The following TCF7L1 variants were observed in gnomAD, a reference collection of about 807,000 sequenced individuals.
TCF7L1 encodes the protein transcription factor 7 like 1, also known as transcription factor 7-like 1.
TCF7L1 carries 18 observed loss-of-function variants against 63.7 expected under a neutral mutation model. That is an observed-to-expected ratio of 0.28 (90% CI 0.20 to 0.42). The LOEUF is 0.42. Ranked by LOEUF, TCF7L1 falls within the 10% of genes least tolerant of loss-of-function variation. The probability of loss-of-function intolerance (pLI) is 1.00; values close to 1 mark genes in which losing one functional copy is unlikely to be tolerated. For missense variants in TCF7L1, 654 were observed against 779.3 expected (o/e 0.84, Z 1.91); for synonymous variants, 355 against 340.9 (o/e 1.04, Z -0.46).
chr2:85,179,176 A>G (rs1260474509), intron 3 of TCF7L1, among the ~76,000 whole-genome samples: 2 of 152,150 alleles, frequency 1.3e-5, no homozygotes, highest in Non-Finnish European at 2.9e-5. Context: ...CAATAGAGCC[A>G]CTCACCCTGA....
chr2:85,137,913 A>C (rs1677633528), intron 3 of TCF7L1, among the ~76,000 whole-genome samples: 1 of 152,022 alleles, frequency 6.6e-6, no homozygotes, highest in African/African-American at 2.4e-5. Flanking sequence ...AAAAAAAGAA[A>C]GAAAGAAAAT....
At chr2:85,280,606 TA>T (rs2104365721) in intron 3 of TCF7L1, among the ~76,000 whole-genome samples, 1 of 152,338 alleles carries the variant, frequency 6.6e-6, no homozygotes, top group African/African-American at 2.4e-5. Flanking sequence ...TGTTTAATAT[TA>T]GGGGGTATAG....
rs758469164 is a variant in TCF7L1 at position 85,134,018 on chromosome 2, G to T, written c.252G>T (p.Ala84=). The change falls in exon 2 of 12, where the codon GCG becomes GCT. Residue 84 remains alanine, a splice_region_variant and synonymous_variant. Transcript: ENST00000282111. The surrounding 1 kb of genome is among the most constrained non-coding windows in gnomAD (Gnocchi z 5.0). ...TTGCCTTTGTGTCTCCTCCGCAGGC[G>T]GAGAGGCGCCCGCAGCCCGTCCGGG... ...ENQSSSSDSE[A]ERRPQPVRDT... 3.1e-6 allele frequency: 5 copies of T among 1,609,638 alleles called. No homozygotes were observed. The South Asian group carries it at 5.5e-5, about 18-fold the overall frequency.
chr2:85,281,446 C>T (rs999209650), intron 3 of TCF7L1, among the ~76,000 whole-genome samples: 1 of 152,190 alleles, frequency 6.6e-6, no homozygotes, highest in Admixed American at 6.5e-5. Flanking sequence ...AAATGTTATT[C>T]ACAGTGAAAA....
intron 3 of TCF7L1, among the ~76,000 whole-genome samples, chr2:85,283,001 G>A (rs1432309680): frequency 6.6e-6 from 1 of 152,086 alleles, no homozygotes. Flanking sequence ...CAGGCAGATG[G>A]CTTTTATTCA....
intron 3 of TCF7L1, among the ~76,000 whole-genome samples, chr2:85,241,441 T>TTG (rs1680326503): frequency 1.7e-5 from 2 of 115,122 alleles, no homozygotes; most frequent in East Asian, 2.0e-4. Flanking sequence ...GTTTTTGTTT[T>TTG]TTTTTTTTTT....
At chr2:85,150,390 C>T (rs1323551420) in intron 3 of TCF7L1, among the ~76,000 whole-genome samples, 2 of 152,130 alleles carry the variant, frequency 1.3e-5, no homozygotes, top group African/African-American at 2.4e-5. Flanking sequence ...CCCGCCACCA[C>T]GCCTGGCTAA....
chr2:85,133,937 A>G lies in TCF7L1; in HGVS notation c.249+4A>G. On this transcript the variant is annotated splice_donor_region_variant and intron_variant, in intron 1 of 11. Coordinates refer to ENST00000282111, the MANE Select transcript of TCF7L1 (RefSeq NM_031283.3). This position sits in a 1 kb window ranked among gnomAD's most constrained non-coding sequence, Gnocchi z 4.4. ...GAGCAGCAGCTCGGACTCGGAGGTA[A>G]GGAAGCACCGCGGCCACCCCCGGGG... 2.6e-6 allele frequency: 4 copies of G among 1,541,672 alleles called. No homozygotes were observed. Among genetic ancestry groups the G allele is most frequent in the Non-Finnish European group, 3.5e-6 (4 of 1,140,122 alleles).
chr2:85,262,088 C>A, intron 3 of TCF7L1: 1 of 540,004 alleles, frequency 1.9e-6, no homozygotes. Flanking sequence ...TAGCATGATC[C>A]GACCCAGTTG....
At chr2:85,215,768 G>T (rs980617979) in intron 3 of TCF7L1, among the ~76,000 whole-genome samples, 8 of 122,580 alleles carry the variant, frequency 6.5e-5, no homozygotes, top group Non-Finnish European at 1.1e-4. Context: ...GGGTGGGGGT[G>T]GGGGGGGGTG....
intron 3 of TCF7L1, among the ~76,000 whole-genome samples, chr2:85,281,752 A>T (rs1055097500): frequency 6.6e-6 from 1 of 152,124 alleles, no homozygotes; most frequent in Non-Finnish European, 1.5e-5. Flanking sequence ...GGCCCATCCC[A>T]TGTGCTAGTC....
intron 3 of TCF7L1, among the ~76,000 whole-genome samples, chr2:85,167,907 C>T (rs1253387476): frequency 6.6e-6 from 1 of 152,158 alleles, no homozygotes; most frequent in Non-Finnish European, 1.5e-5. Flanking sequence ...TTTGTGACAA[C>T]AAATGGATGG....
intron 7 of TCF7L1, 165 bp downstream of exon 7, chr2:85,304,503 AG>A (rs1185595122): frequency 5.9e-5 from 38 of 643,426 alleles, no homozygotes; most frequent in Non-Finnish European, 9.5e-5. Flanking sequence ...CCCCACCCCC[AG>A]GTCAGAATGG....
At chr2:85,266,295 T>A (rs1254941258) in intron 3 of TCF7L1, among the ~76,000 whole-genome samples, 2 of 152,210 alleles carry the variant, frequency 1.3e-5, no homozygotes, top group African/African-American at 2.4e-5. Context: ...GAAGACTTGA[T>A]ACATACTTCC....
chr2:85,271,890 G>A (rs190338737), intron 3 of TCF7L1, among the ~76,000 whole-genome samples: 323 of 152,346 alleles, frequency 2.1e-3, no homozygotes, highest in Non-Finnish European at 3.6e-3. Flanking sequence ...TAGACTGGAA[G>A]AGATGAACTG....
intron 3 of TCF7L1, among the ~76,000 whole-genome samples, chr2:85,225,256 A>G (rs934887987): frequency 9.9e-5 from 15 of 152,122 alleles, no homozygotes; most frequent in Non-Finnish European, 2.2e-4. Flanking sequence ...TTTCTTGCCT[A>G]TGCCGGCTCT....
chr2:85,215,429 A>G (rs1365277312), intron 3 of TCF7L1, among the ~76,000 whole-genome samples: 1 of 152,206 alleles, frequency 6.6e-6, no homozygotes, highest in Non-Finnish European at 1.5e-5. Context: ...GTTCCCACAC[A>G]ACGCAACTTT....
At chr2:85,213,075 A>T (rs1679611663) in intron 3 of TCF7L1, among the ~76,000 whole-genome samples, 1 of 148,748 alleles carries the variant, frequency 6.7e-6, no homozygotes, top group Non-Finnish European at 1.5e-5. Flanking sequence ...CTGGTGACCC[A>T]AGGGAGGCCC....
intron 3 of TCF7L1, among the ~76,000 whole-genome samples, chr2:85,214,718 G>A (rs1197656687): frequency 1.3e-5 from 2 of 152,186 alleles, no homozygotes; most frequent in East Asian, 3.8e-4. Context: ...CATTTAAGAT[G>A]TGGGGAATCG....
Sources: allele counts gnomAD v4.1 joint callset (sites outside exome capture counted in the v4.1 genomes callset), GRCh38; gene constraint gnomAD v4.1.1; non-coding constraint Gnocchi (gnomAD v3.1); transcripts MANE v1.5; gene names NCBI Gene and HGNC (gene_info 2026-07-23, HGNC 2026-07-21).